The following IL1RAPL1 variants were observed in gnomAD, a reference collection of about 807,000 sequenced individuals.
The protein encoded by IL1RAPL1 is interleukin 1 receptor accessory protein like 1.
Under a neutral mutation model 48.4 loss-of-function variants are expected in IL1RAPL1, and 3 were observed. The ratio of observed to expected loss-of-function variants is 0.06; its 90% CI spans 0.03 to 0.16. The LOEUF (loss-of-function observed/expected upper bound fraction) is 0.16. IL1RAPL1 is among the 10% of genes least tolerant of loss of function. The pLI, the probability that IL1RAPL1 is intolerant of heterozygous loss-of-function variation, is 1.00. For synonymous variants in IL1RAPL1, 185 were observed against 187.7 expected (o/e 0.99, Z 0.12); for missense variants, 349 against 530.6 (o/e 0.66, Z 3.36).
At chrX:29,727,791 A>G (rs1166006527) in intron 6 of IL1RAPL1, among the ~76,000 whole-genome samples, 1 of 111,556 alleles carries the variant, frequency 9.0e-6, no homozygotes, top group East Asian at 2.8e-4. Context: ...AACTGAATAT[A>G]TAGGTGCTGT....
intron 6 of IL1RAPL1, among the ~76,000 whole-genome samples, chrX:29,698,568 CAGAAGGAT>C (rs762336871): frequency 1.2e-3 from 107 of 91,994 alleles, no homozygotes; most frequent in African/African-American, 4.0e-3. Flanking sequence ...GAAGGAAGAA[CAGAAGGAT>C]AGAAGGATAG....
intron 6 of IL1RAPL1, among the ~76,000 whole-genome samples, chrX:29,698,390 T>C (rs775367202): frequency 9.0e-6 from 1 of 111,198 alleles, no homozygotes; most frequent in Non-Finnish European, 1.9e-5. Context: ...AGTCTTTCCA[T>C]GATTTCCCCA....
At chrX:29,888,470 C>T (rs754809047) in intron 6 of IL1RAPL1, among the ~76,000 whole-genome samples, 133 of 110,520 alleles carry the variant, frequency 1.2e-3, no homozygotes, top group Non-Finnish European at 2.2e-3. Context: ...GTGATTCTCC[C>T]GCCTCAGCCT....
chrX:29,877,894 CTTTGACTTGTAT>C (rs1183767814), intron 6 of IL1RAPL1, among the ~76,000 whole-genome samples: 1 of 112,210 alleles, frequency 8.9e-6, no homozygotes, highest in African/African-American at 3.2e-5. Flanking sequence ...TGCTGAATCA[CTTTGACTTGTAT>C]TAGAATGTCA....
chrX:29,668,997 T>C (rs1250945655), intron 6 of IL1RAPL1, among the ~76,000 whole-genome samples: 2 of 111,816 alleles, frequency 1.8e-5, no homozygotes, highest in Middle Eastern at 4.6e-3. Context: ...TAATAAAATA[T>C]GACCAAGTGA....
At chrX:28,706,268 G>A (rs900567762) in intron 1 of IL1RAPL1, among the ~76,000 whole-genome samples, 3 of 112,220 alleles carry the variant, frequency 2.7e-5, no homozygotes, top group Admixed American at 9.4e-5. Context: ...CAGGTTTGTA[G>A]CATAGGAGCA....
intron 5 of IL1RAPL1, among the ~76,000 whole-genome samples, chrX:29,620,571 G>C (rs1569129848): frequency 1.8e-5 from 2 of 111,965 alleles, no homozygotes; most frequent in East Asian, 5.6e-4. Context: ...GTTTAAAAAT[G>C]TTTTAAAATA....
chrX:29,158,368 G>T (rs1018526823), intron 2 of IL1RAPL1, among the ~76,000 whole-genome samples: 1 of 111,260 alleles, frequency 9.0e-6, no homozygotes, highest in African/African-American at 3.3e-5. Flanking sequence ...CTTTTAATTT[G>T]ATGGTCATTT....
chrX:29,025,255 G>A (rs1361162549), intron 2 of IL1RAPL1, among the ~76,000 whole-genome samples: 1 of 112,171 alleles, frequency 8.9e-6, no homozygotes. Flanking sequence ...GAATAATGCT[G>A]AATGAACGTT....
intron 2 of IL1RAPL1, among the ~76,000 whole-genome samples, chrX:29,044,875 C>T (rs1161155658): frequency 1.8e-5 from 2 of 110,504 alleles, no homozygotes; most frequent in Non-Finnish European, 3.8e-5. Flanking sequence ...TTAGCTAGTA[C>T]ATTTATTATT....
chrX:29,470,046 A>G (rs984033997), intron 5 of IL1RAPL1, among the ~76,000 whole-genome samples: 1 of 112,261 alleles, frequency 8.9e-6, no homozygotes, highest in African/African-American at 3.2e-5. Flanking sequence ...CTGTAGTACC[A>G]TCGAAGTTTC....
At chrX:28,703,823 A>G (rs899647251) in intron 1 of IL1RAPL1, among the ~76,000 whole-genome samples, 3 of 111,917 alleles carry the variant, frequency 2.7e-5, no homozygotes, top group African/African-American at 9.7e-5. Context: ...TCTTTTGTCT[A>G]CTACATGAAT....
At chrX:29,669,181 CTT>C (rs766135688) in intron 6 of IL1RAPL1, among the ~76,000 whole-genome samples, 1 of 111,463 alleles carries the variant, frequency 9.0e-6, no homozygotes, top group Non-Finnish European at 1.9e-5. Context: ...AAATTTCCCT[CTT>C]AATTATAAAT....
chrX:29,314,461 T>C (rs1417904407), intron 3 of IL1RAPL1, among the ~76,000 whole-genome samples: 1 of 112,701 alleles, frequency 8.9e-6, no homozygotes, highest in Non-Finnish European at 1.9e-5. Context: ...AAACAACTTA[T>C]TGTCTTAAGA....
chrX:28,784,175 T>G (rs954066393), intron 1 of IL1RAPL1, among the ~76,000 whole-genome samples: 4 of 112,028 alleles, frequency 3.6e-5, no homozygotes, highest in Non-Finnish European at 5.6e-5. Flanking sequence ...GAGCTTCTGT[T>G]TATCCTCTCC....
intron 2 of IL1RAPL1, among the ~76,000 whole-genome samples, chrX:28,916,039 A>G (rs1372277918): frequency 9.0e-6 from 1 of 111,024 alleles, no homozygotes; most frequent in Non-Finnish European, 1.9e-5. Context: ...CATTAAAACT[A>G]AGTACAATTT....
At chrX:29,335,743 C>A (rs1314469374) in intron 3 of IL1RAPL1, among the ~76,000 whole-genome samples, 1 of 111,466 alleles carries the variant, frequency 9.0e-6, no homozygotes, top group East Asian at 2.8e-4. Flanking sequence ...AGGCCTTTGA[C>A]CTCTTACGGA....
chrX:29,683,402 A>C (rs139786302), intron 6 of IL1RAPL1, among the ~76,000 whole-genome samples: 6 of 112,330 alleles, frequency 5.3e-5, no homozygotes, highest in Non-Finnish European at 9.4e-5. Flanking sequence ...TGAGCTTTTT[A>C]ATCACACAGT....
chrX:29,715,157 G>A (rs570168084), intron 6 of IL1RAPL1, among the ~76,000 whole-genome samples: 1 of 111,515 alleles, frequency 9.0e-6, no homozygotes, highest in African/African-American at 3.3e-5. Flanking sequence ...CTTCAAGCAC[G>A]CCTATTTTTC....
Sources: allele counts gnomAD v4.1 joint callset (sites outside exome capture counted in the v4.1 genomes callset), GRCh38; gene constraint gnomAD v4.1.1; transcripts MANE v1.5; gene names NCBI Gene and HGNC (gene_info 2026-07-23, HGNC 2026-07-21).